Variants in PCDH9 observed in about 807,000 individuals in gnomAD.
PCDH9 encodes protocadherin 9.
In PCDH9, 24 loss-of-function variants were observed where a neutral mutation model predicts 70.6. The observed-to-expected ratio is 0.34, with a 90% CI of 0.25 to 0.48. PCDH9 has a LOEUF of 0.48. Among genes scored for constraint, PCDH9 ranks in the 20% least tolerant of loss-of-function variants. PCDH9 has a pLI of 0.99. For synonymous variants in PCDH9, 562 were observed against 558.5 expected (o/e 1.01, Z -0.09); for missense variants, 1,281 against 1,503.6 (o/e 0.85, Z 2.45).
chr13:66,603,794 G>C (rs2077190717), intron 4 of PCDH9, among the ~76,000 whole-genome samples: 1 of 151,902 alleles, frequency 6.6e-6, no homozygotes, highest in Admixed American at 6.6e-5. Flanking sequence ...TTCCCATTAA[G>C]ACTTTGTTAT....
At chr13:66,653,026 C>A (rs2077875026) in intron 3 of PCDH9, among the ~76,000 whole-genome samples, 1 of 152,058 alleles carries the variant, frequency 6.6e-6, no homozygotes, top group Non-Finnish European at 1.5e-5. Context: ...ATCTAAGACC[C>A]CAAACCATGA....
chr13:66,317,678 C>A (rs150324432), intron 4 of PCDH9, among the ~76,000 whole-genome samples: 33 of 151,902 alleles, frequency 2.2e-4, no homozygotes, highest in Non-Finnish European at 4.3e-4. Context: ...GAAATACAGA[C>A]AACAGTGCAG....
chr13:66,665,534 A>G (rs897980678), intron 3 of PCDH9, among the ~76,000 whole-genome samples: 2 of 152,192 alleles, frequency 1.3e-5, no homozygotes, highest in African/African-American at 4.8e-5. Flanking sequence ...TAAGGGCCAT[A>G]TCAAATTCTG....
At chr13:66,667,375 T>C (rs1159761770) in intron 3 of PCDH9, among the ~76,000 whole-genome samples, 4 of 152,216 alleles carry the variant, frequency 2.6e-5, no homozygotes, top group Non-Finnish European at 5.9e-5. Context: ...GTAATGGAAA[T>C]ATAAATATGC....
At chr13:66,352,807 G>T (rs1041092173) in intron 4 of PCDH9, among the ~76,000 whole-genome samples, 1 of 152,156 alleles carries the variant, frequency 6.6e-6, no homozygotes, top group African/African-American at 2.4e-5. Context: ...ATAGCTAAAA[G>T]TGTTTCCAGG....
chr13:66,735,044 C>G (rs925800465), intron 3 of PCDH9, among the ~76,000 whole-genome samples: 21 of 152,268 alleles, frequency 1.4e-4, no homozygotes, highest in African/African-American at 5.1e-4. Flanking sequence ...ATAGCTTGTT[C>G]AGTCACATGA....
chr13:66,407,519 T>C (rs1308051219), intron 4 of PCDH9, among the ~76,000 whole-genome samples: 2 of 152,214 alleles, frequency 1.3e-5, no homozygotes, highest in Non-Finnish European at 2.9e-5. Context: ...TGTTTTTTAA[T>C]GTTGTTGCTG....
chr13:67,159,463 T>C (rs2087898463), intron 2 of PCDH9, among the ~76,000 whole-genome samples: 1 of 152,096 alleles, frequency 6.6e-6, no homozygotes, highest in Non-Finnish European at 1.5e-5. Flanking sequence ...TCACAACCCA[T>C]CTTGAAATGG....
intron 2 of PCDH9, among the ~76,000 whole-genome samples, chr13:67,026,043 TA>T (rs2084774016): frequency 6.6e-6 from 1 of 152,180 alleles, no homozygotes; most frequent in Admixed American, 6.6e-5. Flanking sequence ...GAAGACAAAC[TA>T]AAACTACATC....
intron 3 of PCDH9, among the ~76,000 whole-genome samples, chr13:66,770,595 A>G (rs758842816): frequency 3.3e-5 from 5 of 152,166 alleles, no homozygotes; most frequent in Non-Finnish European, 4.4e-5. Context: ...ATGGGTCATC[A>G]ACAAGTGATC....
intron 2 of PCDH9, among the ~76,000 whole-genome samples, chr13:66,911,774 C>T (rs1460608855): frequency 3.3e-5 from 5 of 152,132 alleles, no homozygotes; most frequent in Non-Finnish European, 7.4e-5. Context: ...CAGCTTTGCA[C>T]ATTGCAACTT....
At chr13:67,176,221 CA>C (rs1369378321) in intron 2 of PCDH9, among the ~76,000 whole-genome samples, 2 of 151,972 alleles carry the variant, frequency 1.3e-5, no homozygotes, top group Non-Finnish European at 2.9e-5. Flanking sequence ...TAGATGAACT[CA>C]AAAAGAGCGG....
chr13:66,459,811 G>C (rs1310499588), intron 4 of PCDH9, among the ~76,000 whole-genome samples: 1 of 151,882 alleles, frequency 6.6e-6, no homozygotes, highest in Non-Finnish European at 1.5e-5. Flanking sequence ...AATACAGTTA[G>C]CTCTGGGCTT....
At chr13:66,775,062 A>C (rs2079868781) in intron 3 of PCDH9, among the ~76,000 whole-genome samples, 1 of 152,218 alleles carries the variant, frequency 6.6e-6, no homozygotes, top group African/African-American at 2.4e-5. Flanking sequence ...TGTTTCACAA[A>C]AGAAAGTGCA....
At chr13:66,380,636 C>T (rs182337626) in intron 4 of PCDH9, among the ~76,000 whole-genome samples, 4 of 147,712 alleles carry the variant, frequency 2.7e-5, no homozygotes, top group South Asian at 2.2e-4. Context: ...CTCCGCCTCC[C>T]GGGTTCACGC....
chr13:67,051,242 A>G (rs2085315214), intron 2 of PCDH9, among the ~76,000 whole-genome samples: 1 of 152,154 alleles, frequency 6.6e-6, no homozygotes, highest in Admixed American at 6.5e-5. Context: ...CAAACACACT[A>G]ATGAAAGGGA....
At chr13:66,747,807 T>C (rs2079395216) in intron 3 of PCDH9, among the ~76,000 whole-genome samples, 2 of 152,210 alleles carry the variant, frequency 1.3e-5, no homozygotes, top group African/African-American at 2.4e-5. Context: ...CACATTATTA[T>C]GGAAGCCTTA....
At chr13:66,836,915 G>A (rs1303068867) in intron 3 of PCDH9, among the ~76,000 whole-genome samples, 1 of 152,140 alleles carries the variant, frequency 6.6e-6, no homozygotes, top group Non-Finnish European at 1.5e-5. Flanking sequence ...AGTTCTACCA[G>A]AGGAATAACA....
At chr13:67,202,166 TGAG>T (rs2089229852) in intron 2 of PCDH9, 1 of 151,928 alleles carries the variant, frequency 6.6e-6, no homozygotes, top group Non-Finnish European at 1.5e-5. Context: ...TGTGGTGAGG[TGAG>T]GAGAAGGACC....
Sources: allele counts gnomAD v4.1 joint callset (sites outside exome capture counted in the v4.1 genomes callset), GRCh38; gene constraint gnomAD v4.1.1; transcripts MANE v1.5; gene names NCBI Gene and HGNC (gene_info 2026-07-23, HGNC 2026-07-21).